Variants in RP1 observed in about 807,000 individuals in gnomAD.
RP1 encodes RP1 axonemal microtubule associated.
Under a neutral mutation model 14.8 loss-of-function variants are expected in RP1, and 16 were observed. That is an observed-to-expected ratio of 1.08 (90% confidence interval 0.73 to 1.65). RP1 has a LOEUF of 1.65. Ranked by LOEUF, RP1 falls within the 40% of genes most tolerant of loss-of-function variation. RP1 has a pLI of 0.00. For missense variants in RP1, 2,631 were observed against 2,535.0 expected (o/e 1.04, Z -0.81); for synonymous variants, 876 against 883.6 (o/e 0.99, Z 0.15).
At position 54,678,686 on chromosome 8, in the gene RP1, G is replaced by A. The variant is rs1205557579; in HGVS notation, c.1478+150G>A. ...AACATTAATTTTAGTGGCTCTTTAT[G>A]CTATTGAGACAGACATTTATTATGT... is the stretch of plus-strand genomic sequence containing the variant. On this transcript the variant is annotated intron_variant, in intron 9 of 22. Transcript: ENST00000636932. 2.9e-5 allele frequency: 17 copies of A among 589,374 alleles called. No individual in the cohort carries two copies. In the South Asian group the frequency reaches 3.7e-4, roughly 13 times the overall value. 36.5% of individuals were successfully genotyped at this position (589,374 alleles called of 1,614,324 possible).
intron 5 of RP1, chr8:54,656,063 T>A (rs1806748732): frequency 2.0e-6 from 3 of 1,480,450 alleles, no homozygotes; most frequent in Non-Finnish European, 2.7e-6. Flanking sequence ...TTTTTAAAAG[T>A]AATATTATTG....
intron 27 of RP1, among the ~76,000 whole-genome samples, chr8:54,860,216 T>C (rs1812312393): frequency 6.6e-6 from 1 of 152,090 alleles, no homozygotes. Context: ...AATTTACTCA[T>C]ATAGAAATGG....
chr8:54,869,291 A>C (rs796734293), intron 28 of RP1, among the ~76,000 whole-genome samples: 1 of 152,214 alleles, frequency 6.6e-6, no homozygotes, highest in South Asian at 2.1e-4. Context: ...GGTATAAGAT[A>C]CATTCCAGAT....
At chr8:54,562,728 G>T (rs1269562792) in intron 1 of RP1, among the ~76,000 whole-genome samples, 1 of 152,112 alleles carries the variant, frequency 6.6e-6, no homozygotes, top group Non-Finnish European at 1.5e-5. Flanking sequence ...ATTAGTATAA[G>T]TTGATAATTT....
intron 22 of RP1, among the ~76,000 whole-genome samples, chr8:54,760,091 A>G (rs921773270): frequency 1.3e-5 from 2 of 152,248 alleles, no homozygotes; most frequent in Non-Finnish European, 2.9e-5. Flanking sequence ...AAGGCATGCC[A>G]CTAAAACCTG....
At chr8:54,825,072 C>T (rs2129398432) in intron 24 of RP1, among the ~76,000 whole-genome samples, 1 of 152,148 alleles carries the variant, frequency 6.6e-6, no homozygotes, top group African/African-American at 2.4e-5. Context: ...CGGGTTCACG[C>T]CATTCTCCTG....
At chr8:54,780,279 T>A (rs1810152837) in intron 23 of RP1, among the ~76,000 whole-genome samples, 1 of 152,222 alleles carries the variant, frequency 6.6e-6, no homozygotes, top group East Asian at 1.9e-4. Flanking sequence ...TTTGCCACCC[T>A]CTGGACTATG....
intron 24 of RP1, among the ~76,000 whole-genome samples, chr8:54,829,413 A>G (rs1811467087): frequency 6.6e-6 from 1 of 152,190 alleles, no homozygotes; most frequent in Admixed American, 6.5e-5. Context: ...ATTAGATGAA[A>G]CCAGAAAATA....
At chr8:54,782,478 G>A (rs1024020492) in intron 23 of RP1, among the ~76,000 whole-genome samples, 7 of 152,030 alleles carry the variant, frequency 4.6e-5, no homozygotes, top group African/African-American at 1.2e-4. Flanking sequence ...GAATAGTGGT[G>A]GTTTTAATTG....
intron 1 of RP1, among the ~76,000 whole-genome samples, chr8:54,589,896 A>G (rs1434803643): frequency 6.6e-6 from 1 of 152,224 alleles, no homozygotes; most frequent in Non-Finnish European, 1.5e-5. Flanking sequence ...ACATGGCGCT[A>G]AAATCCTAAT....
At chr8:54,659,144 T>C (rs1806822735) in intron 6 of RP1, among the ~76,000 whole-genome samples, 1 of 152,174 alleles carries the variant, frequency 6.6e-6, no homozygotes, top group Non-Finnish European at 1.5e-5. Flanking sequence ...GATATATGAT[T>C]GGGAAATATT....
chr8:54,810,520 A>AT (rs1810965757), intron 24 of RP1, among the ~76,000 whole-genome samples: 1 of 152,202 alleles, frequency 6.6e-6, no homozygotes, highest in African/African-American at 2.4e-5. Context: ...GAAACTCACC[A>AT]TATATTGAAT....
At chr8:54,722,673 G>T (rs937771008) in intron 16 of RP1, among the ~76,000 whole-genome samples, 1 of 152,076 alleles carries the variant, frequency 6.6e-6, no homozygotes, top group Non-Finnish European at 1.5e-5. Flanking sequence ...AAAAAGTTAA[G>T]CTGAAACTTT....
Position 54,837,671 on chromosome 8 carries a change from T to C in RP1, c.3835+2T>C. 1 of 1,224,390 alleles carries C rather than the reference T, an allele frequency of 8.2e-7. No homozygotes were observed. The highest frequency in any genetic ancestry group is 1.6e-5 in the African/African-American group (1 of 64,382). 75.8% of individuals were successfully genotyped at this position (1,224,390 alleles called of 1,614,324 possible). A position where few individuals can be genotyped will look rare whatever the true frequency, so the allele number is the denominator to read the frequency against. ...GACCAAAGAAAGCACCTTTGCCAGG[T>C]ATATAATTTCATTTCCTTTGTGATG... On this transcript the variant is annotated splice_donor_variant, in intron 25 of 28. Transcript: ENST00000637698. LOFTEE classifies it high-confidence loss of function.
At position 54,827,228 on chromosome 8, in the gene RP1, A is replaced by T. The variant is rs530906644; in HGVS notation, c.3616-10222A>T. 2.0e-5 allele frequency among the ~76,000 whole-genome samples: 3 copies of T among 152,360 alleles called. No homozygotes were observed. In the East Asian group the frequency reaches 5.8e-4, roughly 29 times the overall value. ...TATAAAAAATATTTTTCTTTCATCA[A>T]TAACAAAGTAACCTTAGCTTACTGT... On this transcript the variant is annotated intron_variant, in intron 24 of 28. Coordinates refer to the RP1 transcript ENST00000637698.
At chr8:54,857,789 G>A (rs1450884451) in intron 27 of RP1, among the ~76,000 whole-genome samples, 1 of 151,998 alleles carries the variant, frequency 6.6e-6, no homozygotes, top group African/African-American at 2.4e-5. Context: ...TCCCTGATCC[G>A]ACCTTTCCCT....
chr8:54,597,280 T>G (rs1476276249), intron 1 of RP1, among the ~76,000 whole-genome samples: 2 of 152,158 alleles, frequency 1.3e-5, no homozygotes, highest in Non-Finnish European at 2.9e-5. Flanking sequence ...ACAGGGATAA[T>G]AATAGTACAT....
At chr8:54,631,115 A>T (rs1022649239), downstream of RP1, among the ~76,000 whole-genome samples, 1 of 152,212 alleles carries the variant, frequency 6.6e-6, no homozygotes, top group African/African-American at 2.4e-5. Context: ...TTGGAGCCAC[A>T]CATGGAGATG....
chr8:54,759,000 T>C, exon 22 of RP1: 3 of 1,535,888 alleles, frequency 2.0e-6, no homozygotes, highest in Non-Finnish European at 2.6e-6. Context: ...CAGTGACAAA[T>C]CACAGTACTG....
Sources: allele counts gnomAD v4.1 joint callset (sites outside exome capture counted in the v4.1 genomes callset), GRCh38; gene constraint gnomAD v4.1.1; transcripts MANE v1.5; gene names NCBI Gene and HGNC (gene_info 2026-07-23, HGNC 2026-07-21).